Variants in LSAMP observed in about 807,000 individuals in gnomAD.
LSAMP encodes the protein limbic system associated membrane protein.
Under a neutral mutation model 38.6 loss-of-function variants are expected in LSAMP, and 7 were observed. The ratio of observed to expected loss-of-function variants is 0.18; its 90% CI spans 0.10 to 0.34. LSAMP has a LOEUF of 0.34. LSAMP is among the 10% of genes least tolerant of loss of function. The pLI is 1.00. For missense variants in LSAMP, 313 were observed against 420.0 expected (o/e 0.75, Z 2.23); for synonymous variants, 154 against 166.8 (o/e 0.92, Z 0.59).
intron 1 of LSAMP, among the ~76,000 whole-genome samples, chr3:116,222,175 C>G (rs2046293184): frequency 6.6e-6 from 1 of 151,808 alleles, no homozygotes; most frequent in Non-Finnish European, 1.5e-5. Context: ...CATGTTAACT[C>G]TCTGGGCGTG....
chr3:116,016,619 T>C (rs1331866626), intron 3 of LSAMP, among the ~76,000 whole-genome samples: 1 of 152,150 alleles, frequency 6.6e-6, no homozygotes, highest in Non-Finnish European at 1.5e-5. Context: ...GAAAATATTT[T>C]ACATTTGTGG....
intron 2 of LSAMP, among the ~76,000 whole-genome samples, chr3:116,032,115 T>A (rs556985042): frequency 6.6e-6 from 1 of 152,058 alleles, no homozygotes; most frequent in Admixed American, 6.6e-5. Context: ...ATGAGTTAGA[T>A]TTTTTTTCCT....
intron 1 of LSAMP, among the ~76,000 whole-genome samples, chr3:116,179,140 G>A (rs1710424439): frequency 6.6e-6 from 1 of 152,128 alleles, no homozygotes; most frequent in East Asian, 1.9e-4. Flanking sequence ...CAAACAGGGT[G>A]AAAACAAGGA....
intron 1 of LSAMP, among the ~76,000 whole-genome samples, chr3:116,192,816 G>C (rs1710785501): frequency 6.6e-6 from 1 of 152,096 alleles, no homozygotes; most frequent in South Asian, 2.1e-4. Flanking sequence ...GATATCTAAG[G>C]ACCTTTTCAG....
chr3:116,209,794 CA>C (rs1239183440), intron 1 of LSAMP, among the ~76,000 whole-genome samples: 1 of 152,100 alleles, frequency 6.6e-6, no homozygotes, highest in East Asian at 1.9e-4. Context: ...CTCTGTCCCC[CA>C]GGCTGGAGCG....
At chr3:116,234,047 T>G (rs1248031404) in intron 1 of LSAMP, among the ~76,000 whole-genome samples, 1 of 152,170 alleles carries the variant, frequency 6.6e-6, no homozygotes, top group African/African-American at 2.4e-5. Flanking sequence ...AGCTACTGGC[T>G]CAAATATTTT....
intron 2 of LSAMP, among the ~76,000 whole-genome samples, chr3:116,026,719 A>G (rs767134448): frequency 2.6e-5 from 4 of 152,178 alleles, no homozygotes; most frequent in Non-Finnish European, 5.9e-5. Context: ...AGACTGTGTT[A>G]ATGGCCTCAA....
Position 116,178,137 on chromosome 3 carries a change from A to G in LSAMP, c.156-91581T>C, listed in dbSNP as rs139483973. Among the ~76,000 whole-genome samples the G allele has an allele frequency of 2.6e-4, 40 of 152,102 alleles. No individual in the cohort carries two copies. In the East Asian group the frequency reaches 7.4e-3, roughly 28 times the overall value. On this transcript the variant is annotated intron_variant, in intron 1 of 6. Coordinates refer to ENST00000490035, the MANE Select transcript of LSAMP (RefSeq NM_002338.5). Reference sequence around the variant, plus strand: ...TGTGTGTGTACATGTGTGCTTGCACATGAATACATATGCATGCAAAAGGGA... The same window carrying G: ...TGTGTGTGTACATGTGTGCTTGCACGTGAATACATATGCATGCAAAAGGGA...
At chr3:115,907,402 G>A (rs1937032247) in intron 3 of LSAMP, among the ~76,000 whole-genome samples, 1 of 151,652 alleles carries the variant, frequency 6.6e-6, no homozygotes, top group African/African-American at 2.4e-5. Flanking sequence ...CCACAAGTAA[G>A]GATGCAGCAA....
chr3:116,419,431 A>G (rs912486833), intron 1 of LSAMP, among the ~76,000 whole-genome samples: 7 of 152,168 alleles, frequency 4.6e-5, no homozygotes. Context: ...AGAATAGGTA[A>G]TTGAGATTTT....
In LSAMP at chr3:115,810,053, C is replaced by A; in HGVS notation, c.*264G>T. ...GTAGTCTTTACACAGCATACATTTG[C>A]TTAGTAGATATAAACATATCCCAGT... On this transcript the variant is annotated 3_prime_UTR_variant, in exon 7 of 7. Coordinates refer to ENST00000490035, the MANE Select transcript of LSAMP (RefSeq NM_002338.5). 2.5e-6 allele frequency: 1 copy of A among 392,996 alleles called. No homozygotes were observed. The highest frequency in any genetic ancestry group is 4.6e-6 in the Non-Finnish European group (1 of 216,964). The allele number at this position is 392,996 out of a possible 1,614,324, so 24.3% of individuals were successfully genotyped here. A position where few individuals can be genotyped will look rare whatever the true frequency, so the allele number is the denominator to read the frequency against.
rs111824555 is a variant in LSAMP, at chr3:115,959,142, G to T, written c.514+60373C>A. Among the ~76,000 whole-genome samples, 1,376 of 152,196 alleles carry T rather than the reference G, an allele frequency of 9.0e-3. 21 individuals carry two copies. The highest frequency in any genetic ancestry group is 0.031 in the African/African-American group (1,280 of 41,510). On this transcript the variant is annotated intron_variant, in intron 3 of 6. Transcript: ENST00000490035. ...TATTCTATGTTCTTAATAAGACCTAGATATTTCTTTTCTCACTGTTACTAG... is the reference window on the plus strand; with the variant it reads ...TATTCTATGTTCTTAATAAGACCTATATATTTCTTTTCTCACTGTTACTAG...
chr3:116,294,999 A>AT (rs1318069608), intron 1 of LSAMP, among the ~76,000 whole-genome samples: 2 of 152,248 alleles, frequency 1.3e-5, no homozygotes, highest in African/African-American at 2.4e-5. Context: ...AGAGCAGGAA[A>AT]TAAAAAACTA....
At chr3:116,217,414 A>C (rs1055345980) in intron 1 of LSAMP, among the ~76,000 whole-genome samples, 2 of 152,236 alleles carry the variant, frequency 1.3e-5, no homozygotes, top group Non-Finnish European at 2.9e-5. Context: ...AACTTTGAAC[A>C]AGTTATTTAA....
chr3:115,985,223 G>A (rs996547418), intron 3 of LSAMP, among the ~76,000 whole-genome samples: 16 of 152,072 alleles, frequency 1.1e-4, no homozygotes, highest in African/African-American at 3.9e-4. Context: ...AAATATCCTA[G>A]CTAATAAAAA....
intron 2 of LSAMP, among the ~76,000 whole-genome samples, chr3:116,079,718 T>C (rs964884547): frequency 6.6e-6 from 1 of 151,716 alleles, no homozygotes; most frequent in African/African-American, 2.4e-5. Flanking sequence ...GACCTAGGAC[T>C]GGAAACATTA....
intron 1 of LSAMP, among the ~76,000 whole-genome samples, chr3:116,329,828 G>A (rs1263528194): frequency 6.6e-6 from 1 of 151,534 alleles, no homozygotes; most frequent in Non-Finnish European, 1.5e-5. Flanking sequence ...AAACCAAGTC[G>A]TATCACAGAA....
intron 2 of LSAMP, among the ~76,000 whole-genome samples, chr3:116,030,460 C>A (rs1940892811): frequency 1.3e-5 from 2 of 152,218 alleles, no homozygotes; most frequent in Non-Finnish European, 1.5e-5. Flanking sequence ...CTTATTCCAG[C>A]CATTTGGATA....
chr3:115,960,880 T>C (rs1938603724), intron 3 of LSAMP, among the ~76,000 whole-genome samples: 1 of 152,194 alleles, frequency 6.6e-6, no homozygotes, highest in South Asian at 2.1e-4. Context: ...ACAGTCAAAA[T>C]GAAACAGCTA....
Sources: gnomAD v4.1 joint callset for allele counts (sites outside exome capture counted in the v4.1 genomes callset) on GRCh38, gnomAD v4.1.1 for gene constraint, MANE v1.5 for transcripts, NCBI Gene and HGNC (gene_info 2026-07-23, HGNC 2026-07-21) for gene names.